The following MARCHF6 variants were observed in gnomAD, a reference collection of about 807,000 sequenced individuals.
MARCHF6 encodes E3 ubiquitin-protein ligase MARCHF6.
In MARCHF6, 31 loss-of-function variants were observed where a neutral mutation model predicts 133.7. The ratio of observed to expected loss-of-function variants is 0.23; its 90% CI spans 0.17 to 0.31. The LOEUF is 0.31. Among genes scored for constraint, MARCHF6 ranks in the 10% least tolerant of loss-of-function variants. The pLI is 1.00. For synonymous variants in MARCHF6, 395 were observed against 402.5 expected (o/e 0.98, Z 0.22); for missense variants, 723 against 1,121.6 (o/e 0.64, Z 5.08).
At position 10,412,028 on chromosome 5, in the gene MARCHF6, C is replaced by T. The variant is rs144322390; in HGVS notation, c.1896+491C>T. Reference sequence around the variant, plus strand: ...TAAGCTGATGACTGCTATATGATTACAGTGAAGTCATCATTTATATCAAGT... The same window carrying T: ...TAAGCTGATGACTGCTATATGATTATAGTGAAGTCATCATTTATATCAAGT... On this transcript the variant is annotated intron_variant, in intron 19 of 25. Transcript: ENST00000274140. Among the ~76,000 whole-genome samples the T allele has an allele frequency of 1.2e-3, 183 of 152,304 alleles. 3 individuals carry two copies. Among genetic ancestry groups the T allele is most frequent in the South Asian group, 2.1e-4 (1 of 4,826 alleles).
chr5:10,377,596 A>G (rs1174429738), intron 1 of MARCHF6, among the ~76,000 whole-genome samples: 1 of 152,232 alleles, frequency 6.6e-6, no homozygotes, highest in East Asian at 1.9e-4. Context: ...CTTAACTTTT[A>G]ATACATTATT....
rs76848787 is a variant in MARCHF6 at position 10,374,802 on chromosome 5, G to A, written c.20-2996G>A. 4.7e-4 allele frequency among the ~76,000 whole-genome samples: 71 copies of A among 152,312 alleles called. 2 individuals are homozygous for A. The East Asian group carries it at 9.3e-3, about 20-fold the overall frequency. On this transcript the variant is annotated intron_variant, in intron 1 of 25. Transcript: ENST00000274140. The stretch of plus-strand genomic sequence containing the variant: ...CCAGGAAACCAGAGCCCTTTGGGTC[G>A]TGGTAGGGGGAAGGTCTGTGTTCAT...
chr5:10,378,798 T>C lies in MARCHF6; in HGVS notation c.156T>C (p.Cys52=). 6.2e-7 allele frequency: 1 copy of C among 1,610,290 alleles called. No individual in the cohort carries two copies. ...TGAAACACAGTCGAAAAGAATACTG[T>C]GAATTATGCAAGCACAGATTTGCTT... ...QWLKHSRKEY[C]ELCKHRFAFT... is the part of the protein sequence containing the mutation. Residue 52 remains cysteine (C), a synonymous_variant, in exon 3 of 26, where the codon TGT becomes TGC. Coordinates refer to ENST00000274140, the MANE Select transcript of MARCHF6 (RefSeq NM_005885.4).
At position 10,370,676 on chromosome 5, in the gene MARCHF6, AT is replaced by A. The variant is rs554361999; in HGVS notation, c.20-7112del. On this transcript the variant is annotated intron_variant, in intron 1 of 25. Coordinates refer to ENST00000274140, the MANE Select transcript of MARCHF6 (RefSeq NM_005885.4). ...TTTTAACTAACCCAGCACAAAGCTGATTTTTTTTTTAGTTTTCTTACTGTTG... is the reference window on the plus strand; with the variant it reads ...TTTTAACTAACCCAGCACAAAGCTGATTTTTTTTTAGTTTTCTTACTGTTG... Among the ~76,000 whole-genome samples the A allele has an allele frequency of 8.0e-5, 12 of 149,204 alleles. No individual in the cohort carries two copies. In the South Asian group the frequency reaches 1.5e-3, roughly 18 times the overall value.
chr5:10,390,725 G>A lies in MARCHF6; in HGVS notation c.576+225G>A, dbSNP rs573389095. On this transcript the variant is annotated intron_variant, in intron 6 of 25. Transcript: ENST00000274140. ...ATTTTCTAGTTAGAGTGGGAACAGCGTTGGGGGGTATACTGAAGTCCATGT... is the reference window on the plus strand; with the variant it reads ...ATTTTCTAGTTAGAGTGGGAACAGCATTGGGGGGTATACTGAAGTCCATGT... 4.6e-5 allele frequency among the ~76,000 whole-genome samples: 7 copies of A among 152,322 alleles called. No homozygotes were observed. The South Asian group carries it at 1.2e-3, about 27-fold the overall frequency.
At chr5:10,428,628 T>A (rs1740217376) in intron 24 of MARCHF6, among the ~76,000 whole-genome samples, 2 of 152,172 alleles carry the variant, frequency 1.3e-5, no homozygotes, top group Non-Finnish European at 2.9e-5. Context: ...AGGCATGAGC[T>A]ACCACACCCA....
At chr5:10,410,030 G>GT in intron 17 of MARCHF6, 109 bp from the exon 18 acceptor site, 1 of 1,123,360 alleles carries the variant, frequency 8.9e-7, no homozygotes, top group Non-Finnish European at 1.3e-6. Context: ...GAAAGGAGAG[G>GT]TAATAAAGAC....
rs927000321 is a variant in MARCHF6, at chr5:10,436,282, A to T, written c.*2598A>T. ...GCAGGTAATTTATATTGTCTTACTT[A>T]AGAATTCTCCCCTAGTTTTTCAATT... On this transcript the variant is annotated 3_prime_UTR_variant, in exon 26 of 26. Transcript: ENST00000274140. 1 of 152,190 alleles carries T rather than the reference A, an allele frequency of 6.6e-6. No individual in the cohort carries two copies. Among genetic ancestry groups the T allele is most frequent in the Non-Finnish European group, 1.5e-5 (1 of 68,028 alleles). 9.4% of individuals were successfully genotyped at this position (152,190 alleles called of 1,614,324 possible). A position where few individuals can be genotyped will look rare whatever the true frequency, so the allele number is the denominator to read the frequency against.
chr5:10,354,158 G>A (rs1366534775), intron 1 of MARCHF6, among the ~76,000 whole-genome samples: 2 of 151,958 alleles, frequency 1.3e-5, no homozygotes, highest in African/African-American at 2.4e-5. Flanking sequence ...CCGGGGCCGG[G>A]GTCGGGGCCT....
chr5:10,364,475 C>T (rs572168000), intron 1 of MARCHF6, among the ~76,000 whole-genome samples: 19 of 152,132 alleles, frequency 1.2e-4, no homozygotes, highest in Non-Finnish European at 2.1e-4. Flanking sequence ...TCTTAGATAT[C>T]CCTCCAGCAC....
At chr5:10,425,189 G>GT (rs1397201104) in intron 23 of MARCHF6, among the ~76,000 whole-genome samples, 2 of 152,312 alleles carry the variant, frequency 1.3e-5, no homozygotes, top group East Asian at 3.9e-4. Flanking sequence ...ATTCTTAGGA[G>GT]TAGGGGGGTT....
chr5:10,423,455 T>C (rs1739930646), intron 22 of MARCHF6, among the ~76,000 whole-genome samples: 1 of 152,222 alleles, frequency 6.6e-6, no homozygotes. Flanking sequence ...TATTTGCTTT[T>C]TGAGATATCC....
chr5:10,409,881 A>C (rs148038667), intron 17 of MARCHF6, among the ~76,000 whole-genome samples: 1 of 152,284 alleles, frequency 6.6e-6, no homozygotes, highest in Non-Finnish European at 1.5e-5. Flanking sequence ...CCTTTTGTGT[A>C]ACATGCTACT....
chr5:10,392,424 T>TG (rs1227814094), intron 7 of MARCHF6, among the ~76,000 whole-genome samples: 1 of 152,210 alleles, frequency 6.6e-6, no homozygotes, highest in African/African-American at 2.4e-5. Flanking sequence ...AAAAGAATCT[T>TG]GAAGTTTATA....
intron 5 of MARCHF6, among the ~76,000 whole-genome samples, chr5:10,387,752 C>A (rs867147956): frequency 7.2e-5 from 11 of 152,158 alleles, no homozygotes; most frequent in Admixed American, 3.3e-4. Flanking sequence ...CTCACTGCAA[C>A]TTCTGCCTTC....
At chr5:10,413,799 A>G (rs1019981287) in intron 19 of MARCHF6, among the ~76,000 whole-genome samples, 6 of 152,158 alleles carry the variant, frequency 3.9e-5, no homozygotes, top group Admixed American at 1.3e-4. Flanking sequence ...AAACTGCCCC[A>G]TGATTCAGTT....
chr5:10,401,697 T>C, intron 11 of MARCHF6: 1 of 273,728 alleles, frequency 3.7e-6, no homozygotes, highest in South Asian at 1.1e-4. Flanking sequence ...GGTGGGTGAC[T>C]TGGGCAGTGT....
At chr5:10,387,126 T>G (rs774366220) in intron 5 of MARCHF6, 60 bp downstream of exon 5, 6 of 1,228,634 alleles carry the variant, frequency 4.9e-6, no homozygotes, top group Non-Finnish European at 7.0e-6. Context: ...GCTTTTTTCC[T>G]TGCATATTTA....
intron 17 of MARCHF6, among the ~76,000 whole-genome samples, 162 bp downstream of exon 17, chr5:10,407,364 A>T (rs1738960250): frequency 6.6e-6 from 1 of 152,158 alleles, no homozygotes. Flanking sequence ...TTTTTAAATT[A>T]AATTTAATGT....
Sources: allele counts gnomAD v4.1 joint callset (sites outside exome capture counted in the v4.1 genomes callset), GRCh38; gene constraint gnomAD v4.1.1; transcripts MANE v1.5; gene names NCBI Gene and HGNC (gene_info 2026-07-23, HGNC 2026-07-21).